UGP2: variants seen among roughly 807,000 people sequenced by gnomAD.
UGP2 encodes UDP-glucose pyrophosphorylase 2.
Under a neutral mutation model 49.0 loss-of-function variants are expected in UGP2, and 40 were observed. The ratio of observed to expected loss-of-function variants is 0.82; its 90% CI spans 0.63 to 1.06. The LOEUF is 1.06. Ranked by LOEUF, UGP2 falls within the 50% of genes least tolerant of loss-of-function variation. UGP2 has a pLI of 0.00. For missense variants in UGP2, 460 were observed against 603.5 expected, an observed-to-expected ratio of 0.76 and a Z score of 2.49; for synonymous variants, 225 against 213.0, an observed-to-expected ratio of 1.06 and a Z score of -0.49.
intron 3 of UGP2, among the ~76,000 whole-genome samples, chr2:63,870,719 G>A (rs865899804): frequency 6.6e-6 from 1 of 152,188 alleles, no homozygotes; most frequent in Non-Finnish European, 1.5e-5. Context: ...TGCTGCCAAC[G>A]CTGGGGAGCT....
chr2:63,856,201 T>G, intron 1 of UGP2, 105 bp from the exon 2 acceptor site: 2 of 1,403,496 alleles, frequency 1.4e-6, no homozygotes, highest in Non-Finnish European at 1.9e-6. Flanking sequence ...ACCTTGGGAT[T>G]GAGCCCTTTT....
intron 1 of UGP2, among the ~76,000 whole-genome samples, chr2:63,847,756 G>A (rs1475619733): frequency 6.6e-6 from 1 of 152,182 alleles, no homozygotes; most frequent in Non-Finnish European, 1.5e-5. Context: ...GCAAGGACCG[G>A]CCATTTACAC....
At chr2:63,873,435 GA>G (rs1232232095) in intron 3 of UGP2, among the ~76,000 whole-genome samples, 1 of 152,140 alleles carries the variant, frequency 6.6e-6, no homozygotes, top group African/African-American at 2.4e-5. Flanking sequence ...TATATTCTGT[GA>G]ATGACATTTC....
At chr2:63,879,020 AGTTCCT>A (rs1342730571) in intron 3 of UGP2, among the ~76,000 whole-genome samples, 2 of 151,760 alleles carry the variant, frequency 1.3e-5, no homozygotes, top group African/African-American at 2.4e-5. Context: ...AAAAAAAAAA[AGTTCCT>A]GTTAGTACTT....
Position 63,881,606 on chromosome 2 carries a change from T to C in UGP2, c.256-860T>C, listed in dbSNP as rs180943775. Reference sequence around the variant, plus strand: ...AGGTTTCCTTCTTACTGTAAGATGTTTAGACTTGCTTGTGCCTCTGCTTTG... The same window carrying C: ...AGGTTTCCTTCTTACTGTAAGATGTCTAGACTTGCTTGTGCCTCTGCTTTG... On this transcript the variant is annotated intron_variant, in intron 3 of 9. Transcript: ENST00000337130. Among the ~76,000 whole-genome samples, 9 of 152,338 alleles carry C rather than the reference T, an allele frequency of 5.9e-5. No individual in the cohort carries two copies. In the East Asian group the frequency reaches 1.7e-3, roughly 29 times the overall value.
At chr2:63,867,960 C>A (rs544402359) in intron 3 of UGP2, among the ~76,000 whole-genome samples, 1 of 152,124 alleles carries the variant, frequency 6.6e-6, no homozygotes, top group African/African-American at 2.4e-5. Context: ...TGAGAATAAA[C>A]AACATTATGA....
chr2:63,881,848 T>TATA (rs1671339992), intron 3 of UGP2, among the ~76,000 whole-genome samples: 1 of 152,232 alleles, frequency 6.6e-6, no homozygotes, highest in Admixed American at 6.5e-5. Context: ...TATTGGCTTT[T>TATA]ATATGGTGAC....
At chr2:63,866,356 T>A (rs546915120) in intron 3 of UGP2, among the ~76,000 whole-genome samples, 3 of 152,376 alleles carry the variant, frequency 2.0e-5, no homozygotes, top group South Asian at 2.1e-4. Context: ...TTCATGATTC[T>A]ATGCTTGCAC....
chr2:63,867,688 G>A (rs755725548), intron 3 of UGP2, among the ~76,000 whole-genome samples: 5 of 152,062 alleles, frequency 3.3e-5, no homozygotes, highest in Non-Finnish European at 7.4e-5. Context: ...TTTGTTATCA[G>A]TGTACTTAAT....
chr2:63,856,155 G>T (rs1669403159), intron 1 of UGP2, 151 bp from the exon 2 acceptor site: 1 of 901,618 alleles, frequency 1.1e-6, no homozygotes, highest in Admixed American at 2.9e-5. Flanking sequence ...GTCCTAACTA[G>T]TTGACACCAC....
At chr2:63,858,324 C>G (rs1018162929) in intron 3 of UGP2, among the ~76,000 whole-genome samples, 3 of 152,152 alleles carry the variant, frequency 2.0e-5, no homozygotes, top group African/African-American at 7.2e-5. Flanking sequence ...TTAAAGCTCT[C>G]TTCTTGTATT....
At chr2:63,841,628 G>C (rs1671543256), upstream of UGP2, 1 of 152,492 alleles carries the variant, frequency 6.6e-6, no homozygotes, top group South Asian at 2.1e-4. Context: ...TTTATGGCTG[G>C]TGAAAATGGT....
rs190424380 is a variant in UGP2, at chr2:63,862,084, A to C, written c.255+4148A>C. On this transcript the variant is annotated intron_variant, in intron 3 of 9. Coordinates refer to ENST00000337130, the MANE Select transcript of UGP2 (RefSeq NM_006759.4). ...GAGGCAATCTGGCCAAGCATCTGAT[A>C]TAGTATGCCATATAGGATGATTTGC... Among the ~76,000 whole-genome samples the C allele has an allele frequency of 4.6e-5, 7 of 152,196 alleles. No homozygotes were observed. In the East Asian group the frequency reaches 1.3e-3, roughly 29 times the overall value.
At chr2:63,880,348 A>AT (rs1320048825) in intron 3 of UGP2, among the ~76,000 whole-genome samples, 2 of 151,580 alleles carry the variant, frequency 1.3e-5, no homozygotes, top group Admixed American at 6.6e-5. Flanking sequence ...TAATTTTTGT[A>AT]TTTTTTGTAG....
intron 8 of UGP2, chr2:63,888,340 G>A (rs1425079701): frequency 6.6e-6 from 1 of 152,200 alleles, no homozygotes; most frequent in African/African-American, 2.4e-5. Context: ...AGAACAATGT[G>A]TAACACATTT....
chr2:63,851,270 G>A (rs893191908), intron 1 of UGP2, among the ~76,000 whole-genome samples: 4 of 152,188 alleles, frequency 2.6e-5, no homozygotes, highest in Admixed American at 2.0e-4. Flanking sequence ...GCTAAGGTAG[G>A]TTTTGGGAAA....
Position 63,882,609 on chromosome 2 carries a change from G to A in UGP2, c.399G>A (p.Arg133=), listed in dbSNP as rs774419844. 15 of 1,604,626 alleles carry A rather than the reference G, an allele frequency of 9.3e-6. No homozygotes were observed. The highest frequency in any genetic ancestry group is 5.6e-5 in the South Asian group (5 of 89,690). Residue 133 remains arginine, a synonymous_variant, in exon 4 of 10, where the codon AGG becomes AGA. Transcript: ENST00000337130. The part of the protein sequence containing the change: ...CKGPKSLIGV[R]NENTFLDLTV... Reference sequence around the variant, plus strand: ...GCCCTAAAAGTCTGATTGGTGTGAGGAATGAGAATACCTTTCTGGATCTGA... The same window carrying A: ...GCCCTAAAAGTCTGATTGGTGTGAGAAATGAGAATACCTTTCTGGATCTGA...
At chr2:63,890,497 C>A (rs1275578920) in intron 9 of UGP2, among the ~76,000 whole-genome samples, 1 of 152,084 alleles carries the variant, frequency 6.6e-6, no homozygotes, top group Non-Finnish European at 1.5e-5. Context: ...CAGTGTCATT[C>A]CAGCCTCACG....
intron 4 of UGP2, 45 bp downstream of exon 4, chr2:63,882,696 T>A: frequency 6.9e-7 from 1 of 1,447,302 alleles, no homozygotes; most frequent in African/African-American, 1.4e-5. Context: ...AAATAGTTTT[T>A]AGTTTTTAAG....
Sources: gnomAD v4.1 joint callset for allele counts (sites outside exome capture counted in the v4.1 genomes callset) on GRCh38, gnomAD v4.1.1 for gene constraint, MANE v1.5 for transcripts, NCBI Gene and HGNC (gene_info 2026-07-23, HGNC 2026-07-21) for gene names.